FAM171A1: variants seen among roughly 807,000 people sequenced by gnomAD.
FAM171A1 encodes family with sequence similarity 171 member A1.
In FAM171A1, 23 loss-of-function variants were observed where a neutral mutation model predicts 74.9. That is an observed-to-expected ratio of 0.31 (90% CI 0.22 to 0.44). FAM171A1 has a LOEUF of 0.44. Ranked by LOEUF, FAM171A1 falls within the 20% of genes least tolerant of loss-of-function variation. The pLI is 1.00. For synonymous variants in FAM171A1, 527 were observed against 505.7 expected (o/e 1.04, Z -0.57); for missense variants, 1,162 against 1,159.2 (o/e 1.00, Z -0.03).
intron 5 of FAM171A1, among the ~76,000 whole-genome samples, chr10:15,245,930 C>T (rs1023226158): frequency 3.6e-4 from 55 of 152,242 alleles, no homozygotes; most frequent in African/African-American, 1.3e-3. Flanking sequence ...TTTCCATTCT[C>T]TTGCCCACTT....
At chr10:15,352,145 A>C (rs1039916699) in intron 1 of FAM171A1, among the ~76,000 whole-genome samples, 1 of 151,930 alleles carries the variant, frequency 6.6e-6, no homozygotes, top group African/African-American at 2.4e-5. Flanking sequence ...AGGCTGAGGC[A>C]GGAGAATTGT....
rs145341684 is a variant in FAM171A1, at chr10:15,213,076, G to A, written c.2512C>T (p.Arg838Trp). 1.2e-5 allele frequency: 20 copies of A among 1,613,484 alleles called. No individual in the cohort carries two copies. The highest frequency in any genetic ancestry group is 1.2e-4 in the Admixed American group (7 of 59,952). The change falls in exon 8 of 8, where the codon CGG becomes TGG. Residue 838 changes from arginine (R) to tryptophan (W), a missense_variant. Coordinates refer to ENST00000378116, the MANE Select transcript of FAM171A1 (RefSeq NM_001010924.2). This position sits in a 1 kb window ranked among gnomAD's most constrained non-coding sequence, Gnocchi z 6.8. ...GGCTCCGAGGGGGCATCCGCAGTCC[G>A]TCTGGTCGTCTCCTCCTGCAGGCTG... ...LPSLQEETTRRTADAPSEPAA... is the reference protein window; with the variant it reads ...LPSLQEETTRWTADAPSEPAA...
chr10:15,264,564 A>G (rs1432409775), intron 3 of FAM171A1, among the ~76,000 whole-genome samples: 2 of 152,016 alleles, frequency 1.3e-5, no homozygotes, highest in Non-Finnish European at 2.9e-5. Flanking sequence ...GTGGGCAGAT[A>G]GCTTGAGCCT....
intron 1 of FAM171A1, among the ~76,000 whole-genome samples, chr10:15,360,129 T>G (rs2131888305): frequency 6.6e-6 from 1 of 152,282 alleles, no homozygotes; most frequent in East Asian, 1.9e-4. Context: ...GATGAAGTCC[T>G]GCTATGTTGC....
At chr10:15,328,621 T>G (rs1835587571) in intron 1 of FAM171A1, among the ~76,000 whole-genome samples, 1 of 152,224 alleles carries the variant, frequency 6.6e-6, no homozygotes, top group Non-Finnish European at 1.5e-5. Context: ...TGAGCTGCAG[T>G]AGTGCAGGCA....
chr10:15,254,570 C>G, intron 4 of FAM171A1, 151 bp downstream of exon 4: 1 of 805,488 alleles, frequency 1.2e-6, no homozygotes, highest in Non-Finnish European at 1.9e-6. Context: ...AACACAGTTT[C>G]AAAGCACTTG....
intron 2 of FAM171A1, among the ~76,000 whole-genome samples, chr10:15,280,575 C>T (rs1834955116): frequency 6.6e-6 from 1 of 152,134 alleles, no homozygotes; most frequent in South Asian, 2.1e-4. Flanking sequence ...CCTCTCCTCC[C>T]TTCCTTGAAA....
At chr10:15,336,413 T>C (rs1051309388) in intron 1 of FAM171A1, among the ~76,000 whole-genome samples, 1 of 152,108 alleles carries the variant, frequency 6.6e-6, no homozygotes, top group African/African-American at 2.4e-5. Context: ...TGTCATACTC[T>C]AAAACCAGTG....
chr10:15,256,016 T>C (rs1304025202), intron 3 of FAM171A1, among the ~76,000 whole-genome samples: 3 of 152,094 alleles, frequency 2.0e-5, no homozygotes, highest in Non-Finnish European at 4.4e-5. Flanking sequence ...TCACCAGACG[T>C]AAAGGTGCTA....
chr10:15,358,451 G>A (rs1266590107), intron 1 of FAM171A1, among the ~76,000 whole-genome samples: 2 of 152,118 alleles, frequency 1.3e-5, no homozygotes, highest in African/African-American at 4.8e-5. Flanking sequence ...TGTTTTACAC[G>A]TAACCTCATC....
chr10:15,288,688 A>G (rs1445330960), intron 1 of FAM171A1, among the ~76,000 whole-genome samples: 1 of 152,104 alleles, frequency 6.6e-6, no homozygotes, highest in African/African-American at 2.4e-5. Context: ...AGATTCTACC[A>G]CTTGAATTTC....
In FAM171A1 at chr10:15,347,955, G is replaced by C. The variant is rs185086719; in HGVS notation, c.97+23001C>G. Among the ~76,000 whole-genome samples the C allele has an allele frequency of 2.1e-3, 319 of 152,000 alleles. 2 individuals carry two copies. The highest frequency in any genetic ancestry group is 7.2e-3 in the African/African-American group (297 of 41,444). ...AATCCACCACCTCTCTTGAAGCTAG[G>C]TTTTGAATAAAATGAGAATGACATT... On this transcript the variant is annotated intron_variant, in intron 1 of 7. Transcript: ENST00000378116.
chr10:15,215,954 C>A, intron 7 of FAM171A1, 42 bp downstream of exon 7: 3 of 1,330,390 alleles, frequency 2.3e-6, no homozygotes, highest in South Asian at 2.7e-5. Flanking sequence ...GCCCAAGAAA[C>A]TGTGAATTAA....
intron 3 of FAM171A1, among the ~76,000 whole-genome samples, chr10:15,268,521 T>G (rs1331703092): frequency 2.0e-5 from 3 of 151,972 alleles, no homozygotes; most frequent in African/African-American, 7.3e-5. Flanking sequence ...AGGCCAAAAA[T>G]ATCAAGCTCT....
At chr10:15,278,910 G>A (rs1171207236) in intron 2 of FAM171A1, among the ~76,000 whole-genome samples, 1 of 152,148 alleles carries the variant, frequency 6.6e-6, no homozygotes, top group African/African-American at 2.4e-5. Flanking sequence ...TAAGGCACAG[G>A]GCACCTCCTG....
At chr10:15,219,784 G>C (rs752753421) in intron 6 of FAM171A1, among the ~76,000 whole-genome samples, 1 of 152,176 alleles carries the variant, frequency 6.6e-6, no homozygotes, top group Non-Finnish European at 1.5e-5. Flanking sequence ...GTTTCACCAT[G>C]TTAGCCAGGA....
intron 3 of FAM171A1, among the ~76,000 whole-genome samples, chr10:15,255,554 T>C (rs1420756199): frequency 1.3e-5 from 2 of 152,150 alleles, no homozygotes; most frequent in African/African-American, 4.8e-5. Flanking sequence ...CTCAACTCCT[T>C]TGTGTAGGAG....
At position 15,214,372 on chromosome 10, in the gene FAM171A1, C is replaced by G. The variant is rs200052994; in HGVS notation, c.1216G>C (p.Gly406Arg). The G allele has an allele frequency of 6.2e-7, 1 of 1,613,008 alleles. No homozygotes were observed. The highest frequency in any genetic ancestry group is 8.5e-7 in the Non-Finnish European group (1 of 1,179,340). Residue 406 changes from glycine (G) to arginine (R), a missense_variant, in exon 8 of 8, where the codon GGC becomes CGC. Transcript: ENST00000378116. ...ATGGGGGTGTGCAGGTCCCCTTCGC[C>G]GCCCGGAGACATCATTTCCAAATGG... is the stretch of plus-strand genomic sequence containing the variant. The part of the protein sequence containing the change: ...GVHLEMMSPG[G>R]EGDLHTPMLK...
intron 1 of FAM171A1, among the ~76,000 whole-genome samples, chr10:15,345,024 C>A (rs1397844768): frequency 6.6e-6 from 1 of 152,238 alleles, no homozygotes; most frequent in Non-Finnish European, 1.5e-5. Flanking sequence ...TTGCGTCATA[C>A]ACGCACAAAA....
Sources: allele counts gnomAD v4.1 joint callset (sites outside exome capture counted in the v4.1 genomes callset), GRCh38; gene constraint gnomAD v4.1.1; non-coding constraint Gnocchi (gnomAD v3.1); transcripts MANE v1.5; gene names NCBI Gene and HGNC (gene_info 2026-07-23, HGNC 2026-07-21).